Variants in NOTCH2NLR observed in about 807,000 individuals in gnomAD.
NOTCH2NLR encodes the protein notch 2 N-terminal like R, also known as notch 2 N-terminal like R (pseudogene).
NOTCH2NLR carries 33 observed loss-of-function variants against 35.6 expected under a neutral mutation model. That is an observed-to-expected ratio of 0.93 (90% CI 0.70 to 1.24). The LOEUF (loss-of-function observed/expected upper bound fraction) is 1.24, where lower values mean the gene tolerates loss of function less well. Ranked by LOEUF, NOTCH2NLR falls within the 50% of genes most tolerant of loss-of-function variation. NOTCH2NLR has a pLI of 0.00. For synonymous variants in NOTCH2NLR, 103 were observed against 141.0 expected (o/e 0.73, Z 1.91); for missense variants, 276 against 362.2 (o/e 0.76, Z 1.93).
rs1312988808 is a variant in NOTCH2NLR, at chr1:120,735,336, AT to A, written c.73+11088del. On this transcript the variant is annotated intron_variant, in intron 1 of 4. Coordinates refer to ENST00000624419, the Ensembl canonical transcript of NOTCH2NLR. ...CGCCTCAGCCTCCCAAAGTGCTGGG[AT>A]TACAGGCGTGAGCCACCGTGCCTGG... is the stretch of plus-strand genomic sequence containing the variant. Among the ~76,000 whole-genome samples the A allele has an allele frequency of 2.5e-5, 2 of 81,384 alleles. 1 individual carries two copies. The highest frequency in any genetic ancestry group is 2.1e-4 in the African/African-American group (2 of 9,710). The allele number at this position is 81,384 out of a possible 152,430, so 53.4% of individuals were successfully genotyped here.
Position 120,728,605 on chromosome 1 carries a change from A to G in NOTCH2NLR, c.73+4355A>G, listed in dbSNP as rs1387661700. On this transcript the variant is annotated intron_variant, in intron 1 of 4. Coordinates refer to ENST00000624419, the Ensembl canonical transcript of NOTCH2NLR. ...GTATTACTGTATTACTAGGCCAGCA[A>G]TTTCTGTTATTTTGTCCAGAATAGC... Among the ~76,000 whole-genome samples the G allele has an allele frequency of 3.4e-5, 4 of 117,330 alleles. 1 individual carries two copies. Among genetic ancestry groups the G allele is most frequent in the African/African-American group, 2.0e-4 (4 of 20,160 alleles). The allele number at this position is 117,330 out of a possible 152,430, so 77.0% of individuals were successfully genotyped here.
chr1:120,779,731 C>A lies in NOTCH2NLR; in HGVS notation c.156-5243C>A, dbSNP rs1429045067. On this transcript the variant is annotated intron_variant, in intron 2 of 4. Coordinates refer to ENST00000624419, the Ensembl canonical transcript of NOTCH2NLR. ...GTTTAGCCATGTTTTCACTCTCTAACCAAATTCAACTTTAGCCATCTCAAG... is the reference window on the plus strand; with the variant it reads ...GTTTAGCCATGTTTTCACTCTCTAAACAAATTCAACTTTAGCCATCTCAAG... Among the ~76,000 whole-genome samples the A allele has an allele frequency of 1.3e-4, 16 of 121,962 alleles. 2 individuals carry two copies. In the South Asian group the frequency reaches 3.1e-3, roughly 23 times the overall value. 80.0% of individuals were successfully genotyped at this position (121,962 alleles called of 152,430 possible). A position where few individuals can be genotyped will look rare whatever the true frequency, so the allele number is the denominator to read the frequency against.
intron 3 of NOTCH2NLR, among the ~76,000 whole-genome samples, chr1:120,790,611 T>C (rs1651481379): frequency 9.4e-6 from 1 of 106,868 alleles, no homozygotes; most frequent in South Asian, 2.8e-4. Context: ...TCTCTTTCCC[T>C]CTCTCTTTCT....
intron 1 of NOTCH2NLR, among the ~76,000 whole-genome samples, chr1:120,758,952 A>C (rs1434081951): frequency 9.6e-6 from 1 of 104,122 alleles, no homozygotes; most frequent in Non-Finnish European, 1.8e-5. Context: ...TTTATACATT[A>C]CTGGGTTTTG....
chr1:120,756,350 C>A (rs1261202757), intron 1 of NOTCH2NLR, among the ~76,000 whole-genome samples: 3 of 117,624 alleles, frequency 2.6e-5, no homozygotes, highest in Non-Finnish European at 3.3e-5. Context: ...AATATTGCTA[C>A]TTGAAATTTG....
intron 1 of NOTCH2NLR, among the ~76,000 whole-genome samples, chr1:120,763,123 C>T (rs1651151202): frequency 2.3e-5 from 1 of 42,828 alleles, no homozygotes. Context: ...CTGGTGCATA[C>T]TAGGCTCTCA....
rs1651322841 is a variant in NOTCH2NLR, at chr1:120,778,376, G to A, written c.156-6598G>A. 1.9e-5 allele frequency among the ~76,000 whole-genome samples: 2 copies of A among 106,018 alleles called. 1 individual carries two copies. Among genetic ancestry groups the A allele is most frequent in the South Asian group, 5.3e-4 (2 of 3,764 alleles). 69.6% of individuals were successfully genotyped at this position (106,018 alleles called of 152,430 possible). ...GTTCTGTTCAAAGAATTTTCTGCTG[G>A]AAACTAGCCCAGAGGGAGTAAAGAG... On this transcript the variant is annotated intron_variant, in intron 2 of 4. Coordinates refer to ENST00000624419, the Ensembl canonical transcript of NOTCH2NLR.
rs1257789946 is a variant in NOTCH2NLR at position 120,785,172 on chromosome 1, C to T, written c.354C>T (p.Gly118=). Residue 118 remains glycine (G), a synonymous_variant, in exon 3 of 5, where the codon GGC becomes GGT. Transcript: ENST00000624419. ...TTGTGTCTCGACCTTGCCTGAATGG[C>T]GGCACATGCCATATGCTCAGCCGGG... 7.6e-5 allele frequency: 110 copies of T among 1,445,678 alleles called. 19 individuals are homozygous for T. The highest frequency in any genetic ancestry group is 4.7e-4 in the East Asian group (20 of 42,890). 89.6% of individuals were successfully genotyped at this position (1,445,678 alleles called of 1,614,324 possible). A position where few individuals can be genotyped will look rare whatever the true frequency, so the allele number is the denominator to read the frequency against.
rs1241962120 is a variant in NOTCH2NLR at position 120,763,382 on chromosome 1, C to T, written c.74-246C>T. 6.8e-5 allele frequency among the ~76,000 whole-genome samples: 7 copies of T among 102,946 alleles called. 2 individuals are homozygous for T. Among genetic ancestry groups the T allele is most frequent in the Non-Finnish European group, 1.2e-4 (7 of 56,164 alleles). The allele number at this position is 102,946 out of a possible 152,430, so 67.5% of individuals were successfully genotyped here. ...TAATTGGGAGATGGAGATGTAACAG[C>T]TGGAGATACTAAAACACAGAGAAAT... On this transcript the variant is annotated intron_variant, in intron 1 of 4. Coordinates refer to ENST00000624419, the Ensembl canonical transcript of NOTCH2NLR.
At chr1:120,733,109 A>C (rs1463708075) in intron 1 of NOTCH2NLR, among the ~76,000 whole-genome samples, 2 of 86,114 alleles carry the variant, frequency 2.3e-5, no homozygotes, top group Non-Finnish European at 2.0e-5. Flanking sequence ...CTGTTGATTT[A>C]TTTTTATATA....
chr1:120,784,997 A>G, exon 3 of NOTCH2NLR: 4 of 1,420,068 alleles, frequency 2.8e-6, no homozygotes, highest in Non-Finnish European at 3.8e-6. Context: ...TTCTTGGGGG[A>G]ATATTGTCAA....
chr1:120,763,391 C>A (rs1651153749), intron 1 of NOTCH2NLR, among the ~76,000 whole-genome samples: 1 of 104,538 alleles, frequency 9.6e-6, no homozygotes, highest in Non-Finnish European at 1.8e-5. Flanking sequence ...GCTGGAGATA[C>A]TAAAACACAG....
At chr1:120,764,125 G>T (rs1278429733) in intron 2 of NOTCH2NLR, among the ~76,000 whole-genome samples, 4 of 111,194 alleles carry the variant, frequency 3.6e-5, no homozygotes, top group Non-Finnish European at 6.9e-5. Context: ...CGCATGACTG[G>T]AGTCCCAGCT....
intron 1 of NOTCH2NLR, among the ~76,000 whole-genome samples, chr1:120,759,485 A>T (rs1651111237): frequency 1.5e-5 from 1 of 68,724 alleles, no homozygotes. Context: ...TTCTTTTTTT[A>T]CTTTATAAGC....
In NOTCH2NLR at chr1:120,724,252, T is replaced by G. The variant is rs1650788918; in HGVS notation, c.73+2T>G. On this transcript the variant is annotated splice_donor_variant, in intron 1 of 4. Transcript: ENST00000624419. LOFTEE classifies it high-confidence loss of function. ...TGTGCTGGGCGGCCCCCGCGCATGG[T>G]GAGTATCGGGCTGAGGGGCGCTGTC... The G allele has an allele frequency of 2.1e-6, 3 of 1,398,838 alleles. No individual in the cohort carries two copies. Among genetic ancestry groups the G allele is most frequent in the South Asian group, 1.3e-5 (1 of 79,050 alleles). The allele number at this position is 1,398,838 out of a possible 1,614,324, so 86.7% of individuals were successfully genotyped here.
rs1210695875 is a variant in NOTCH2NLR at position 120,790,432 on chromosome 1, C to G, written c.416-2729C>G. Among the ~76,000 whole-genome samples, 4 of 116,288 alleles carry G rather than the reference C, an allele frequency of 3.4e-5. 2 individuals carry two copies. The highest frequency in any genetic ancestry group is 2.0e-4 in the African/African-American group (4 of 19,664). 76.3% of individuals were successfully genotyped at this position (116,288 alleles called of 152,430 possible). On this transcript the variant is annotated intron_variant, in intron 3 of 4. Transcript: ENST00000624419. ...CTATACCTCAGTCAGCTTACTAGCT[C>G]ATCTCCACTCAGAGATGAAGAAGCA...
Position 120,789,529 on chromosome 1 carries a change from A to G in NOTCH2NLR, c.416-3632A>G, listed in dbSNP as rs1405260563. Among the ~76,000 whole-genome samples, 170 of 109,622 alleles carry G rather than the reference A, an allele frequency of 1.6e-3. 32 individuals are homozygous for G. The highest frequency in any genetic ancestry group is 0.015 in the South Asian group (54 of 3,656). The allele number at this position is 109,622 out of a possible 152,430, so 71.9% of individuals were successfully genotyped here. A position where few individuals can be genotyped will look rare whatever the true frequency, so the allele number is the denominator to read the frequency against. ...ACCCCTGAGGAACCCATCAGATCTC[A>G]TGAGACTTATTCACTATCATGAGAA... On this transcript the variant is annotated intron_variant, in intron 3 of 4. Transcript: ENST00000624419.
intron 2 of NOTCH2NLR, among the ~76,000 whole-genome samples, chr1:120,774,958 GGTT>G (rs1651291809): frequency 8.7e-6 from 1 of 115,122 alleles, no homozygotes; most frequent in Non-Finnish European, 1.7e-5. Flanking sequence ...CCTTCTGTTT[GGTT>G]GTTCTTTGCT....
Position 120,793,424 on chromosome 1 carries a change from C to G in NOTCH2NLR, c.679C>G (p.His227Asp). 8 of 1,443,056 alleles carry G rather than the reference C, an allele frequency of 5.5e-6. 2 individuals are homozygous for G. The highest frequency in any genetic ancestry group is 7.4e-6 in the Non-Finnish European group (8 of 1,079,962). 89.4% of individuals were successfully genotyped at this position (1,443,056 alleles called of 1,614,324 possible). The change falls in exon 4 of 5, where the codon CAC (histidine) becomes GAC (aspartate). Residue 227 changes from histidine (H) to aspartate (D), a missense_variant. His to Asp is a moderately conservative substitution (Grantham distance 81). Transcript: ENST00000624419. ...TGACAGACTGTATGTGCCCTGTGCACACTCGCCTTGTGTCAATGGAGGCAC... is the reference window on the plus strand; with the variant it reads ...TGACAGACTGTATGTGCCCTGTGCAGACTCGCCTTGTGTCAATGGAGGCAC...
Sources: allele counts gnomAD v4.1 joint callset (sites outside exome capture counted in the v4.1 genomes callset), GRCh38; gene constraint gnomAD v4.1.1; transcripts MANE v1.5; gene names NCBI Gene and HGNC (gene_info 2026-07-23, HGNC 2026-07-21).